NCAM2: variants seen among roughly 807,000 people sequenced by gnomAD.
The protein encoded by NCAM2 is N-CAM-2.
Under a neutral mutation model 98.1 loss-of-function variants are expected in NCAM2, and 30 were observed. That is an observed-to-expected ratio of 0.31 (90% CI 0.23 to 0.41). The LOEUF is 0.41. Ranked by LOEUF, NCAM2 falls within the 10% of genes least tolerant of loss-of-function variation. NCAM2 has a pLI of 1.00. For synonymous variants in NCAM2, 368 were observed against 342.4 expected (o/e 1.07, Z -0.83); for missense variants, 867 against 1,005.8 (o/e 0.86, Z 1.87).
chr21:21,516,432 A>G (rs1461089455), intron 16 of NCAM2, among the ~76,000 whole-genome samples: 2 of 152,098 alleles, frequency 1.3e-5, no homozygotes, highest in Non-Finnish European at 2.9e-5. Context: ...TTAAAATGAA[A>G]CGCCATATGC....
At chr21:21,064,193 C>A (rs1274769224) in intron 1 of NCAM2, among the ~76,000 whole-genome samples, 1 of 152,134 alleles carries the variant, frequency 6.6e-6, no homozygotes, top group Non-Finnish European at 1.5e-5. Context: ...TTGGTGGGGG[C>A]AAGGTTCATG....
At chr21:21,339,941 C>G (rs2074978529) in intron 8 of NCAM2, among the ~76,000 whole-genome samples, 1 of 151,534 alleles carries the variant, frequency 6.6e-6, no homozygotes, top group Non-Finnish European at 1.5e-5. Flanking sequence ...AGTTGAAAAT[C>G]AAATTTATAA....
At chr21:21,265,031 G>GTATATATACACATATATATTATA (rs1568855399) in intron 1 of NCAM2, among the ~76,000 whole-genome samples, 1 of 65,530 alleles carries the variant, frequency 1.5e-5, no homozygotes, top group East Asian at 3.9e-4. Context: ...ATGTGTCTGT[G>GTATATATACACATATATATTATA]TATATATGTA....
Position 21,316,385 on chromosome 21 carries a change from C to T in NCAM2, c.620-7998C>T, listed in dbSNP as rs1018063185. Among the ~76,000 whole-genome samples, 12 of 151,972 alleles carry T rather than the reference C, an allele frequency of 7.9e-5. 1 individual carries two copies. Among genetic ancestry groups the T allele is most frequent in the Non-Finnish European group, 1.0e-4 (7 of 67,970 alleles). ...TGCACCCATTAACTTACTTTAAAAACATGCAATAATAACTTGCCAAAATTG... is the reference window on the plus strand; with the variant it reads ...TGCACCCATTAACTTACTTTAAAAATATGCAATAATAACTTGCCAAAATTG... On this transcript the variant is annotated intron_variant, in intron 5 of 17. Transcript: ENST00000400546.
chr21:21,209,826 A>G (rs776181896), intron 1 of NCAM2, among the ~76,000 whole-genome samples: 58 of 152,164 alleles, frequency 3.8e-4, no homozygotes, highest in Non-Finnish European at 6.8e-4. Context: ...GAATCTTGCT[A>G]TGTTCCCCAA....
chr21:21,270,505 C>T lies in NCAM2; in HGVS notation c.56-10073C>T, dbSNP rs186126755. Among the ~76,000 whole-genome samples the T allele has an allele frequency of 4.6e-5, 7 of 152,214 alleles. No individual in the cohort carries two copies. In the East Asian group the frequency reaches 1.2e-3, roughly 25 times the overall value. On this transcript the variant is annotated intron_variant, in intron 1 of 17. Coordinates refer to ENST00000400546, the MANE Select transcript of NCAM2 (RefSeq NM_004540.5). Reference sequence around the variant, plus strand: ...TTGCTTACTGGTTTTTGAATCTTAACGTAATGATTTTACTTTTACTAATAA... The same window carrying T: ...TTGCTTACTGGTTTTTGAATCTTAATGTAATGATTTTACTTTTACTAATAA...
At chr21:21,299,605 C>A (rs2073634614) in intron 5 of NCAM2, among the ~76,000 whole-genome samples, 1 of 148,256 alleles carries the variant, frequency 6.7e-6, no homozygotes, top group South Asian at 2.3e-4. Context: ...TTCCCTCCCT[C>A]CCTCCCTTTT....
intron 1 of NCAM2, among the ~76,000 whole-genome samples, chr21:21,184,917 G>A (rs770987239): frequency 6.6e-6 from 1 of 152,064 alleles, no homozygotes; most frequent in Non-Finnish European, 1.5e-5. Flanking sequence ...TTTATGACTT[G>A]GAGTGGGAGG....
At chr21:21,288,644 G>A (rs1312562345) in intron 4 of NCAM2, among the ~76,000 whole-genome samples, 3 of 151,476 alleles carry the variant, frequency 2.0e-5, no homozygotes, top group African/African-American at 7.3e-5. Flanking sequence ...TGAACAATTT[G>A]TACATTTATA....
At chr21:21,115,269 C>A (rs962740329) in intron 1 of NCAM2, among the ~76,000 whole-genome samples, 3 of 152,252 alleles carry the variant, frequency 2.0e-5, no homozygotes, top group South Asian at 2.1e-4. Context: ...AGAGCTTTAT[C>A]CAGCCTCTCC....
At chr21:21,142,433 C>CA (rs1211852985) in intron 1 of NCAM2, among the ~76,000 whole-genome samples, 2 of 120,778 alleles carry the variant, frequency 1.7e-5, no homozygotes. Flanking sequence ...GGCTGGAGTG[C>CA]AGTGGCGCAA....
intron 1 of NCAM2, among the ~76,000 whole-genome samples, chr21:21,243,956 G>C (rs1464280614): frequency 1.3e-5 from 2 of 152,164 alleles, no homozygotes; most frequent in Non-Finnish European, 2.9e-5. Flanking sequence ...GCTTTGTAAT[G>C]ATTATATTTG....
chr21:21,426,869 A>G (rs978732109), intron 11 of NCAM2, among the ~76,000 whole-genome samples: 1 of 152,216 alleles, frequency 6.6e-6, no homozygotes, highest in Non-Finnish European at 1.5e-5. Flanking sequence ...TTAGCCTGCA[A>G]TTTCTTATGA....
intron 6 of NCAM2, among the ~76,000 whole-genome samples, chr21:21,329,617 T>C (rs1191172923): frequency 2.0e-5 from 3 of 152,190 alleles, no homozygotes; most frequent in Non-Finnish European, 2.9e-5. Flanking sequence ...TTATGAGAAA[T>C]ATTGTTCCAT....
intron 5 of NCAM2, among the ~76,000 whole-genome samples, chr21:21,293,651 G>A (rs1008904826): frequency 6.6e-6 from 1 of 151,740 alleles, no homozygotes; most frequent in Admixed American, 6.6e-5. Flanking sequence ...TTTAAATAGG[G>A]AGATGTCTGT....
chr21:21,176,833 A>G (rs2155798), intron 1 of NCAM2, among the ~76,000 whole-genome samples: 121,301 of 151,562 alleles, frequency 0.8, 51,595 homozygotes, highest in Non-Finnish European at 0.96. Flanking sequence ...TGTACTAGTT[A>G]CTTATGGCTC....
At chr21:21,191,006 A>G (rs2068803865) in intron 1 of NCAM2, among the ~76,000 whole-genome samples, 1 of 152,188 alleles carries the variant, frequency 6.6e-6, no homozygotes. Flanking sequence ...TATTTATTAG[A>G]TACTGTCAAA....
chr21:21,433,512 G>T (rs1370647961), intron 12 of NCAM2, among the ~76,000 whole-genome samples: 3 of 151,786 alleles, frequency 2.0e-5, no homozygotes, highest in African/African-American at 7.3e-5. Context: ...GGCTGAGGCA[G>T]GTGGATCATG....
chr21:21,310,011 A>G (rs572926620), intron 5 of NCAM2, among the ~76,000 whole-genome samples: 3 of 152,278 alleles, frequency 2.0e-5, no homozygotes, highest in Admixed American at 6.5e-5. Flanking sequence ...ATTTTTAGAT[A>G]TATGTTTCAG....
Sources: allele counts gnomAD v4.1 joint callset (sites outside exome capture counted in the v4.1 genomes callset), GRCh38; gene constraint gnomAD v4.1.1; transcripts MANE v1.5; gene names NCBI Gene and HGNC (gene_info 2026-07-23, HGNC 2026-07-21).